Variants in TTC21B observed in about 807,000 individuals in gnomAD.
TTC21B encodes the protein tetratricopeptide repeat domain 21B.
TTC21B carries 127 observed loss-of-function variants against 175.1 expected under a neutral mutation model. The observed-to-expected ratio is 0.73, with a 90% CI of 0.63 to 0.84. The LOEUF is 0.84. Among genes scored for constraint, TTC21B ranks in the 40% least tolerant of loss-of-function variants. The probability of loss-of-function intolerance (pLI) is 0.00; values close to 1 mark genes in which losing one functional copy is unlikely to be tolerated. For synonymous variants in TTC21B, 524 were observed against 524.5 expected, an observed-to-expected ratio of 1.00 and a Z score of 0.01; for missense variants, 1,561 against 1,558.3, an observed-to-expected ratio of 1.00 and a Z score of -0.03.
At position 165,943,256 on chromosome 2, in the gene TTC21B, A is replaced by C; in HGVS notation, c.515T>G (p.Leu172Arg). ...AGCAAAAGTATCATTCCCATCTTGG[A>C]GTCCCTCTTCAAAATACTTCAGTGC... ...KKALKYFEEG[L>R]QDGNDTFALL... The change falls in exon 5 of 29, where the codon CTC becomes CGC. Residue 172 changes from leucine to arginine, a missense_variant. Coordinates refer to ENST00000243344, the MANE Select transcript of TTC21B (RefSeq NM_024753.5). The C allele has an allele frequency of 6.2e-7, 1 of 1,613,590 alleles. No homozygotes were observed. Among genetic ancestry groups the C allele is most frequent in the African/African-American group, 1.3e-5 (1 of 75,030 alleles).
intron 6 of TTC21B, among the ~76,000 whole-genome samples, chr2:165,937,521 AT>A (rs1687195308): frequency 6.6e-6 from 1 of 152,034 alleles, no homozygotes; most frequent in Non-Finnish European, 1.5e-5. Flanking sequence ...TAGGCAGCCT[AT>A]CTATGTGTGG....
intron 22 of TTC21B, among the ~76,000 whole-genome samples, chr2:165,892,270 CAAAA>C (rs1559042820): frequency 6.6e-6 from 1 of 151,986 alleles, no homozygotes; most frequent in South Asian, 2.1e-4. Flanking sequence ...AACACACAAA[CAAAA>C]AAGCTTGTTT....
At chr2:165,901,576 G>A (rs2105305801) in intron 20 of TTC21B, 146 bp downstream of exon 20, 1 of 737,352 alleles carries the variant, frequency 1.4e-6, no homozygotes, top group South Asian at 1.6e-5. Flanking sequence ...ACATGCCTTG[G>A]CCTCCCAAAG....
At chr2:165,928,991 T>A in intron 11 of TTC21B, 144 bp downstream of exon 11, 2 of 748,254 alleles carry the variant, frequency 2.7e-6, no homozygotes, top group Non-Finnish European at 2.3e-6. Context: ...AACAGTCTGA[T>A]TAAAAGCGAT....
rs926497445 is a variant in TTC21B, at chr2:165,873,495, A to C, written c.*1260T>G. Reference sequence around the variant, plus strand: ...TAAGGATTAAGTTTAGATTAGGTTAAATTTAGTGTAAGAGAGTGAAAGCTT... The same window carrying C: ...TAAGGATTAAGTTTAGATTAGGTTACATTTAGTGTAAGAGAGTGAAAGCTT... On this transcript the variant is annotated 3_prime_UTR_variant, in exon 29 of 29. Transcript: ENST00000243344. 1 of 152,204 alleles carries C rather than the reference A, an allele frequency of 6.6e-6. No individual in the cohort carries two copies. The highest frequency in any genetic ancestry group is 1.5e-5 in the Non-Finnish European group (1 of 68,026). 9.4% of individuals were successfully genotyped at this position (152,204 alleles called of 1,614,324 possible).
At chr2:165,907,563 A>G in intron 19 of TTC21B, 115 bp downstream of exon 19, 5 of 706,164 alleles carry the variant, frequency 7.1e-6, no homozygotes, top group Non-Finnish European at 1.3e-5. Context: ...TTTGATTTTG[A>G]CATATTTTCT....
intron 11 of TTC21B, among the ~76,000 whole-genome samples, chr2:165,926,989 C>G (rs1686654109): frequency 7.3e-5 from 1 of 13,656 alleles, no homozygotes; most frequent in African/African-American, 1.6e-4. Context: ...TATATAAACT[C>G]CCATATATAT....
chr2:165,924,634 G>C lies in TTC21B; in HGVS notation c.1431C>G (p.Cys477Trp), dbSNP rs751822992. 3 of 1,613,728 alleles carry C rather than the reference G, an allele frequency of 1.9e-6. No individual in the cohort carries two copies. The Admixed American group carries it at 5.0e-5, about 27-fold the overall frequency. Residue 477 changes from cysteine to tryptophan, a missense_variant, in exon 12 of 29, where the codon TGC becomes TGG. Cys to Trp is a radical substitution (Grantham distance 215). Coordinates refer to ENST00000243344, the MANE Select transcript of TTC21B (RefSeq NM_024753.5). ...GQPLCPLLRRCISVLETVVRT... is the reference protein window; with the variant it reads ...GQPLCPLLRRWISVLETVVRT... ...TTACTACAGTCTCCAGGACTGAGAT[G>C]CAACGCCTGAGAAGTGGACAAAGAG...
chr2:165,931,669 A>C, intron 8 of TTC21B, 89 bp downstream of exon 8: 1 of 1,099,100 alleles, frequency 9.1e-7, no homozygotes, highest in Non-Finnish European at 1.4e-6. Flanking sequence ...ACTCTAGGCC[A>C]TATGCTCTTC....
Position 165,945,619 on chromosome 2 carries a change from A to G in TTC21B, c.334T>C (p.Tyr112His). 1 of 1,613,692 alleles carries G rather than the reference A, an allele frequency of 6.2e-7. No homozygotes were observed. The highest frequency in any genetic ancestry group is 8.5e-7 in the Non-Finnish European group (1 of 1,179,832). Residue 112 changes from tyrosine to histidine, a missense_variant, in exon 4 of 29, where the codon TAC (tyrosine) becomes CAC (histidine). By Grantham distance (83) the Tyr-to-His change is moderately conservative. Transcript: ENST00000243344. ...QRKGAGEKAL[Y>H]HAGLFLWHIG... ...TGCCATAAAAATAAGCCTGCATGGT[A>G]TAAGGCTTTCTCTCCAGCTCCTTTA...
At chr2:165,937,522 T>C (rs931437927) in intron 6 of TTC21B, among the ~76,000 whole-genome samples, 1 of 152,042 alleles carries the variant, frequency 6.6e-6, no homozygotes, top group Non-Finnish European at 1.5e-5. Flanking sequence ...AGGCAGCCTA[T>C]CTATGTGTGG....
intron 6 of TTC21B, chr2:165,933,867 G>A (rs953567420): frequency 2.6e-5 from 4 of 152,114 alleles, no homozygotes; most frequent in Non-Finnish European, 5.9e-5. Flanking sequence ...GCATACTTCT[G>A]CTTGTTCTCT....
intron 3 of TTC21B, among the ~76,000 whole-genome samples, chr2:165,946,158 T>A (rs1687552064): frequency 8.2e-6 from 1 of 121,726 alleles, no homozygotes; most frequent in Admixed American, 9.5e-5. Flanking sequence ...ACCCTGTCTC[T>A]ACTAAAGATA....
In TTC21B at chr2:165,898,752, T is replaced by C; in HGVS notation, c.2884A>G (p.Met962Val). 6.2e-7 allele frequency: 1 copy of C among 1,611,580 alleles called. No homozygotes were observed. The highest frequency in any genetic ancestry group is 8.5e-7 in the Non-Finnish European group (1 of 1,177,716). Residue 962 changes from methionine to valine, a missense_variant, in exon 22 of 29, where the codon ATG becomes GTG. Physicochemically the swap from Met to Val is conservative, Grantham distance 21. Coordinates refer to ENST00000243344, the MANE Select transcript of TTC21B (RefSeq NM_024753.5). ...EAATMMMADL[M>V]FRKQDYEQAV... Reference sequence around the variant, plus strand: ...TGTTCATAGTCTTGTTTTCTGAACATGAGATCAGCCATCATCTATAAAGAT... The same window carrying C: ...TGTTCATAGTCTTGTTTTCTGAACACGAGATCAGCCATCATCTATAAAGAT...
chr2:165,945,779 C>G, intron 3 of TTC21B, 89 bp from the exon 4 acceptor site: 1 of 1,351,270 alleles, frequency 7.4e-7, no homozygotes. Flanking sequence ...AAAAAATTTA[C>G]TTCTCTCTAT....
rs1444587317 is a variant in TTC21B, at chr2:165,883,916, A to G, written c.3562T>C (p.Trp1188Arg). 5.0e-6 allele frequency: 8 copies of G among 1,614,052 alleles called. No homozygotes were observed. Among genetic ancestry groups the G allele is most frequent in the Non-Finnish European group, 6.8e-6 (8 of 1,180,022 alleles). ...NQLKRIAKMN[W>R]NAIDAEEFEK... ...AACTCTTCAGCATCAATAGCATTCC[A>G]ATTCATTTTCGCAATACGCTTCAGC... The change falls in exon 26 of 29, where the codon TGG becomes CGG. Residue 1188 changes from tryptophan to arginine, a missense_variant. Trp to Arg is a moderately radical substitution (Grantham distance 101, BLOSUM62 -3). Transcript: ENST00000243344.
chr2:165,896,822 G>C (rs535991678), intron 22 of TTC21B, among the ~76,000 whole-genome samples: 1 of 152,326 alleles, frequency 6.6e-6, no homozygotes, highest in Admixed American at 6.5e-5. Context: ...ATTAGATTCA[G>C]CTAAAAGATA....
At chr2:165,893,679 T>C (rs1685270103) in intron 22 of TTC21B, among the ~76,000 whole-genome samples, 2 of 152,122 alleles carry the variant, frequency 1.3e-5, no homozygotes, top group African/African-American at 2.4e-5. Context: ...TGCAGTGCTA[T>C]GGTATGGTAT....
At chr2:165,896,926 G>T (rs1311204257) in intron 22 of TTC21B, among the ~76,000 whole-genome samples, 1 of 152,064 alleles carries the variant, frequency 6.6e-6, no homozygotes, top group Non-Finnish European at 1.5e-5. Flanking sequence ...ACGATGATTT[G>T]CTGGTTGGGA....
Sources: gnomAD v4.1 joint callset for allele counts (sites outside exome capture counted in the v4.1 genomes callset) on GRCh38, gnomAD v4.1.1 for gene constraint, MANE v1.5 for transcripts, NCBI Gene and HGNC (gene_info 2026-07-23, HGNC 2026-07-21) for gene names.